The following REEP6 variants were observed in gnomAD, a reference collection of about 807,000 sequenced individuals.
REEP6 encodes the protein receptor expression-enhancing protein 6.
A neutral mutation model predicts 22.4 loss-of-function variants in REEP6; 19 were observed. The observed-to-expected ratio is 0.85, with a 90% CI of 0.59 to 1.25. The LOEUF (loss-of-function observed/expected upper bound fraction) is 1.25, where lower values mean the gene tolerates loss of function less well. Among genes scored for constraint, REEP6 ranks in the 50% most tolerant of loss-of-function variants. REEP6 has a pLI of 0.00. For missense variants in REEP6, 273 were observed against 251.9 expected (o/e 1.08, Z -0.57); for synonymous variants, 121 against 113.6 (o/e 1.06, Z -0.41).
chr19:1,496,922 G>A (rs2085013560), intron 4 of REEP6, among the ~76,000 whole-genome samples: 1 of 152,184 alleles, frequency 6.6e-6, no homozygotes, highest in Non-Finnish European at 1.5e-5. Context: ...ATATGTGTGT[G>A]CGTGTGACCA....
intron 1 of REEP6, among the ~76,000 whole-genome samples, chr19:1,492,257 G>C (rs561590472): frequency 1.3e-5 from 2 of 152,112 alleles, no homozygotes; most frequent in Non-Finnish European, 2.9e-5. Flanking sequence ...TGGGATTACA[G>C]GTACCCACCA....
intron 4 of REEP6, chr19:1,496,820 C>T: frequency 1.7e-6 from 1 of 586,674 alleles, no homozygotes. Context: ...TGCATGGGCT[C>T]AAGTGTATGT....
chr19:1,495,746 C>A, intron 3 of REEP6, 139 bp downstream of exon 3: 1 of 1,235,366 alleles, frequency 8.1e-7, no homozygotes, highest in South Asian at 1.4e-5. Flanking sequence ...CCTGGGGAAA[C>A]GAGCCCTGTC....
At chr19:1,495,864 G>A (rs2085002454) in intron 3 of REEP6, 1 of 592,682 alleles carries the variant, frequency 1.7e-6, no homozygotes, top group Non-Finnish European at 3.0e-6. Flanking sequence ...CAGGATGTCT[G>A]ATGGTGGAGG....
In REEP6 at chr19:1,497,155, C is replaced by A; in HGVS notation, c.518-19C>A. The A allele has an allele frequency of 2.9e-6, 4 of 1,402,518 alleles. No individual in the cohort carries two copies. The highest frequency in any genetic ancestry group is 3.8e-6 in the Non-Finnish European group (4 of 1,065,684). 86.9% of individuals were successfully genotyped at this position (1,402,518 alleles called of 1,614,324 possible). A position where few individuals can be genotyped will look rare whatever the true frequency, so the allele number is the denominator to read the frequency against. On this transcript the variant is annotated intron_variant, in intron 4 of 4. Coordinates refer to ENST00000233596, the MANE Select transcript of REEP6 (RefSeq NM_138393.4). The surrounding 1 kb of genome is among the most constrained non-coding windows in gnomAD (Gnocchi z 6.5). ...AGGCCTGCCTCACGGCCCTCCCCCA[C>A]CCGCCCCTCTCTCTGCAGTCAAGCC...
chr19:1,496,312 C>A lies in REEP6; in HGVS notation c.376C>A (p.Pro126Thr), dbSNP rs147100837. The A allele has an allele frequency of 1.2e-6, 2 of 1,611,298 alleles. No homozygotes were observed. Among genetic ancestry groups the A allele is most frequent in the East Asian group, 4.5e-5 (2 of 44,812 alleles). ...CGCCTTCCTGTTGTTCTGCATGGCT[C>A]CCAGGCCCTGGAACGGGGCTCTCAT... is the stretch of plus-strand genomic sequence containing the variant. ...KCAFLLFCMA[P>T]RPWNGALMLY... The change falls in exon 4 of 5, where the codon CCC becomes ACC. Residue 126 changes from proline (P) to threonine (T), a missense_variant. Pro to Thr is a conservative substitution (Grantham distance 38). Transcript: ENST00000233596.
At chr19:1,492,042 T>C (rs536873273) in intron 1 of REEP6, among the ~76,000 whole-genome samples, 7 of 152,178 alleles carry the variant, frequency 4.6e-5, no homozygotes, top group African/African-American at 1.4e-4. Flanking sequence ...TTGGTGACGC[T>C]GCGCGCCCCT....
chr19:1,497,497 G>T lies in REEP6; in HGVS notation c.*286G>T, dbSNP rs1260425568. The stretch of plus-strand genomic sequence containing the variant: ...CAGGGCCAGCGTCGGGCACAGGGCA[G>T]CTCCCACTGGTCTCGGCAACACACC... On this transcript the variant is annotated 3_prime_UTR_variant, in exon 5 of 5. Coordinates refer to ENST00000233596, the MANE Select transcript of REEP6 (RefSeq NM_138393.4). The surrounding 1 kb of genome is among the most constrained non-coding windows in gnomAD (Gnocchi z 6.5). 1.5e-6 allele frequency: 1 copy of T among 679,028 alleles called. No homozygotes were observed. 42.1% of individuals were successfully genotyped at this position (679,028 alleles called of 1,614,324 possible).
chr19:1,496,503 A>C, intron 4 of REEP6, 50 bp downstream of exon 4: 1 of 1,592,424 alleles, frequency 6.3e-7, no homozygotes, highest in Non-Finnish European at 8.6e-7. Context: ...CCGGGTCTGG[A>C]CCTGTCTCTC....
chr19:1,494,877 G>A (rs1329592898), intron 1 of REEP6, among the ~76,000 whole-genome samples: 2 of 152,122 alleles, frequency 1.3e-5, no homozygotes, highest in African/African-American at 4.8e-5. Context: ...GTAGAGATGG[G>A]GTTTCACCGT....
In REEP6 at chr19:1,491,453, C is replaced by T. The variant is rs1161745385; in HGVS notation, c.115+69C>T. Reference sequence around the variant, plus strand: ...GGCCATGGGCCTGGGGGTCGCAGACCGGACTCCTTCCCCGGCTACGGGGTC... The same window carrying T: ...GGCCATGGGCCTGGGGGTCGCAGACTGGACTCCTTCCCCGGCTACGGGGTC... On this transcript the variant is annotated intron_variant, in intron 1 of 4. Transcript: ENST00000233596. The surrounding 1 kb of genome is among the most constrained non-coding windows in gnomAD (Gnocchi z 5.4). 2.7e-6 allele frequency: 3 copies of T among 1,113,626 alleles called. No individual in the cohort carries two copies. The highest frequency in any genetic ancestry group is 3.2e-5 in the East Asian group (1 of 30,850). The allele number at this position is 1,113,626 out of a possible 1,614,324, so 69.0% of individuals were successfully genotyped here. A position where few individuals can be genotyped will look rare whatever the true frequency, so the allele number is the denominator to read the frequency against.
chr19:1,495,429 C>T (rs559231378), intron 2 of REEP6, 40 bp from the exon 3 acceptor site: 22 of 1,613,678 alleles, frequency 1.4e-5, no homozygotes, highest in South Asian at 2.2e-5. Flanking sequence ...GTTCTGGGGG[C>T]TCCCTGGCAG....
Position 1,491,417 on chromosome 19 carries a change from G to A in REEP6, c.115+33G>A. ...GTCGGCGCTAGCCCGTTTCGCCGACGGGCACACCGAGGCCATGGGCCTGGG... is the reference window on the plus strand; with the variant it reads ...GTCGGCGCTAGCCCGTTTCGCCGACAGGCACACCGAGGCCATGGGCCTGGG... On this transcript the variant is annotated intron_variant, in intron 1 of 4. Transcript: ENST00000233596. The surrounding 1 kb of genome is among the most constrained non-coding windows in gnomAD (Gnocchi z 5.4). The A allele has an allele frequency of 7.4e-7, 1 of 1,360,088 alleles. No individual in the cohort carries two copies. The highest frequency in any genetic ancestry group is 1.5e-5 in the African/African-American group (1 of 65,006). The allele number at this position is 1,360,088 out of a possible 1,614,324, so 84.3% of individuals were successfully genotyped here. A position where few individuals can be genotyped will look rare whatever the true frequency, so the allele number is the denominator to read the frequency against.
intron 4 of REEP6, chr19:1,496,818 C>T (rs1442155133): frequency 1.9e-5 from 11 of 585,652 alleles, no homozygotes; most frequent in East Asian, 1.2e-4. Context: ...TGTGCATGGG[C>T]TCAAGTGTAT....
In REEP6 at chr19:1,495,546, G is replaced by T. The variant is rs1320275798; in HGVS notation, c.287G>T (p.Gly96Val). 42 of 1,613,982 alleles carry T rather than the reference G, an allele frequency of 2.6e-5. No homozygotes were observed. The highest frequency in any genetic ancestry group is 3.5e-5 in the Non-Finnish European group (41 of 1,180,026). The change falls in exon 3 of 5, where the codon GGG becomes GTG. Residue 96 changes from glycine to valine, a missense_variant. Physicochemically the swap from Gly to Val is moderately radical, Grantham distance 109. Coordinates refer to ENST00000233596, the MANE Select transcript of REEP6 (RefSeq NM_138393.4). ...LTYWVVYALF[G>V]LAEFFSDLLL... ...TACTGGGTGGTGTACGCCCTGTTTGGGCTGGCCGAGTTCTTCAGCGATCTA... is the reference window on the plus strand; with the variant it reads ...TACTGGGTGGTGTACGCCCTGTTTGTGCTGGCCGAGTTCTTCAGCGATCTA...
At position 1,491,416 on chromosome 19, in the gene REEP6, C is replaced by G. The variant is rs1476851707; in HGVS notation, c.115+32C>G. The G allele has an allele frequency of 1.5e-6, 2 of 1,357,914 alleles. No homozygotes were observed. The highest frequency in any genetic ancestry group is 1.9e-6 in the Non-Finnish European group (2 of 1,041,056). The allele number at this position is 1,357,914 out of a possible 1,614,324, so 84.1% of individuals were successfully genotyped here. A position where few individuals can be genotyped will look rare whatever the true frequency, so the allele number is the denominator to read the frequency against. On this transcript the variant is annotated intron_variant, in intron 1 of 4. Transcript: ENST00000233596. The surrounding 1 kb of genome is among the most constrained non-coding windows in gnomAD (Gnocchi z 5.4). ...CGTCGGCGCTAGCCCGTTTCGCCGACGGGCACACCGAGGCCATGGGCCTGG... is the reference window on the plus strand; with the variant it reads ...CGTCGGCGCTAGCCCGTTTCGCCGAGGGGCACACCGAGGCCATGGGCCTGG...
At chr19:1,492,224 C>A (rs2084963000) in intron 1 of REEP6, among the ~76,000 whole-genome samples, 1 of 152,122 alleles carries the variant, frequency 6.6e-6, no homozygotes, top group Non-Finnish European at 1.5e-5. Context: ...AAGCGATTCT[C>A]CTGCCTCAGT....
chr19:1,497,165 T>G lies in REEP6; in HGVS notation c.518-9T>G. The stretch of plus-strand genomic sequence containing the variant: ...CACGGCCCTCCCCCACCCGCCCCTC[T>G]CTCTGCAGTCAAGCCAAGCCAGACC... On this transcript the variant is annotated splice_polypyrimidine_tract_variant and intron_variant, in intron 4 of 4. Transcript: ENST00000233596. This position sits in a 1 kb window ranked among gnomAD's most constrained non-coding sequence, Gnocchi z 6.5. 15 of 818,538 alleles carry G rather than the reference T, an allele frequency of 1.8e-5. No individual in the cohort carries two copies. Among genetic ancestry groups the G allele is most frequent in the Non-Finnish European group, 2.3e-5 (14 of 599,862 alleles). 50.7% of individuals were successfully genotyped at this position (818,538 alleles called of 1,614,324 possible). A position where few individuals can be genotyped will look rare whatever the true frequency, so the allele number is the denominator to read the frequency against.
chr19:1,495,354 A>G lies in REEP6; in HGVS notation c.176A>G (p.Asn59Ser), dbSNP rs145196601. Residue 59 changes from asparagine to serine, a missense_variant, in exon 2 of 5, where the codon AAT (asparagine) becomes AGT (serine). Physicochemically the swap from Asn to Ser is conservative, Grantham distance 46 (BLOSUM62 1). Coordinates refer to ENST00000233596, the MANE Select transcript of REEP6 (RefSeq NM_138393.4). ...GGCTACGGAGCGTCTCTGCTGTGCAATCTCATCGGATTTGTGTACCCCGCA... is the reference window on the plus strand; with the variant it reads ...GGCTACGGAGCGTCTCTGCTGTGCAGTCTCATCGGATTTGTGTACCCCGCA... ...LFGYGASLLCNLIGFVYPAYA... is the reference protein window; with the variant it reads ...LFGYGASLLCSLIGFVYPAYA... 167 of 1,613,618 alleles carry G rather than the reference A, an allele frequency of 1.0e-4. No individual in the cohort carries two copies. Among genetic ancestry groups the G allele is most frequent in the African/African-American group, 5.5e-4 (41 of 74,940 alleles).
Sources: allele counts gnomAD v4.1 joint callset (sites outside exome capture counted in the v4.1 genomes callset), GRCh38; gene constraint gnomAD v4.1.1; non-coding constraint Gnocchi (gnomAD v3.1); transcripts MANE v1.5; gene names NCBI Gene and HGNC (gene_info 2026-07-23, HGNC 2026-07-21).